Variants in LMTK2 observed in about 807,000 individuals in gnomAD.
LMTK2 encodes the protein lemur tail kinase 2, also known as serine/threonine-protein kinase LMTK2.
In LMTK2, 37 loss-of-function variants were observed where a neutral mutation model predicts 127.5. The ratio of observed to expected loss-of-function variants is 0.29; its 90% CI spans 0.22 to 0.38. The LOEUF is 0.38. Ranked by LOEUF, LMTK2 falls within the 10% of genes least tolerant of loss-of-function variation. LMTK2 has a pLI of 1.00. For missense variants in LMTK2, 1,694 were observed against 1,920.3 expected, an observed-to-expected ratio of 0.88 and a Z score of 2.20; for synonymous variants, 819 against 810.1, an observed-to-expected ratio of 1.01 and a Z score of -0.19.
intron 6 of LMTK2, among the ~76,000 whole-genome samples, chr7:98,159,776 C>T (rs1308716175): frequency 2.6e-5 from 4 of 152,126 alleles, no homozygotes. Flanking sequence ...TCTAGATGTG[C>T]CCTCCTAAGA....
chr7:98,150,232 C>T (rs915017192), intron 3 of LMTK2, among the ~76,000 whole-genome samples: 1 of 149,874 alleles, frequency 6.7e-6, no homozygotes, highest in African/African-American at 2.4e-5. Context: ...CACTTGAACC[C>T]GGGAGGCGTA....
chr7:98,119,001 A>G (rs7788997), intron 1 of LMTK2, among the ~76,000 whole-genome samples: 18,227 of 151,696 alleles, frequency 0.12, 1,675 homozygotes, highest in African/African-American at 0.25. Flanking sequence ...CTGAGGCAAG[A>G]TAATCGCTTG....
chr7:98,141,280 A>C, intron 2 of LMTK2, 117 bp from the exon 3 acceptor site: 1 of 924,382 alleles, frequency 1.1e-6, no homozygotes, highest in South Asian at 1.6e-5. Context: ...TTTACTTAAC[A>C]TTAAGTACAA....
chr7:98,137,097 A>G (rs1796605679), intron 1 of LMTK2, among the ~76,000 whole-genome samples: 1 of 152,238 alleles, frequency 6.6e-6, no homozygotes, highest in African/African-American at 2.4e-5. Flanking sequence ...TGAAGGCTGT[A>G]TATGAACTCT....
At chr7:98,195,578 TG>T (rs372947110) in intron 11 of LMTK2, among the ~76,000 whole-genome samples, 89 of 152,112 alleles carry the variant, frequency 5.9e-4, no homozygotes, top group East Asian at 3.9e-3. Flanking sequence ...GACATGAAAA[TG>T]GGGTCCCCTC....
chr7:98,119,091 C>A (rs1403578662), intron 1 of LMTK2, among the ~76,000 whole-genome samples: 21 of 89,368 alleles, frequency 2.3e-4, no homozygotes, highest in East Asian at 1.7e-3. Context: ...GAATCCATCT[C>A]AAAAAAAAAA....
intron 5 of LMTK2, among the ~76,000 whole-genome samples, chr7:98,158,727 T>G (rs1375581746): frequency 6.6e-6 from 1 of 152,234 alleles, no homozygotes; most frequent in African/African-American, 2.4e-5. Context: ...AGGTTATGTG[T>G]AGATAATGAC....
chr7:98,197,601 C>T (rs1318608968), intron 11 of LMTK2, among the ~76,000 whole-genome samples: 2 of 152,168 alleles, frequency 1.3e-5, no homozygotes, highest in African/African-American at 4.8e-5. Context: ...TCCCATAATC[C>T]TAACATTTTG....
Position 98,194,167 on chromosome 7 carries a change from ACT to A in LMTK2, c.3704_3705del (p.Leu1235ProfsTer70). ...CTTCCACGGGGACCAACACGAACGAACTCCTTGCCTACACCAATTCTGCGCTG... is the reference window on the plus strand; with the variant it reads ...CTTCCACGGGGACCAACACGAACGAACCTTGCCTACACCAATTCTGCGCTG... ...LASTGTNTNELLAYTNSALDK... is the reference protein window; with the variant it reads ...LASTGTNTNEXLAYTNSALDK... On this transcript the variant is annotated frameshift_variant, in exon 11 of 14. Transcript: ENST00000297293. LOFTEE classifies it high-confidence loss of function. This position sits in a 1 kb window ranked among gnomAD's most constrained non-coding sequence, Gnocchi z 5.4. 1 of 1,613,546 alleles carries A rather than the reference ACT, an allele frequency of 6.2e-7. No individual in the cohort carries two copies. The highest frequency in any genetic ancestry group is 8.5e-7 in the Non-Finnish European group (1 of 1,179,896).
intron 5 of LMTK2, among the ~76,000 whole-genome samples, 189 bp downstream of exon 5, chr7:98,155,065 C>T (rs1796908968): frequency 6.6e-6 from 1 of 152,120 alleles, no homozygotes; most frequent in African/African-American, 2.4e-5. Context: ...GAGAACTCAG[C>T]CTAAACCAGA....
In LMTK2 at chr7:98,159,319, T is replaced by C. The variant is rs1796978124; in HGVS notation, c.570-19T>C. The C allele has an allele frequency of 6.5e-7, 1 of 1,540,218 alleles. No individual in the cohort carries two copies. The highest frequency in any genetic ancestry group is 8.9e-7 in the Non-Finnish European group (1 of 1,123,682). On this transcript the variant is annotated intron_variant, in intron 5 of 13. Coordinates refer to ENST00000297293, the MANE Select transcript of LMTK2 (RefSeq NM_014916.4). ...TCATGCTTCCTGATGAACAATATTA[T>C]GGCTTTTATTTTTCCCAGCATTCTT... is the stretch of plus-strand genomic sequence containing the variant.
At chr7:98,151,690 A>T (rs1235377671) in intron 4 of LMTK2, among the ~76,000 whole-genome samples, 1 of 152,246 alleles carries the variant, frequency 6.6e-6, no homozygotes, top group African/African-American at 2.4e-5. Context: ...ACAAAATATC[A>T]TAAACTGGGT....
chr7:98,203,066 C>G (rs1442699522), intron 11 of LMTK2, among the ~76,000 whole-genome samples: 1 of 152,148 alleles, frequency 6.6e-6, no homozygotes, highest in Non-Finnish European at 1.5e-5. Context: ...CAGCTGTTGC[C>G]CCAGGATTGC....
intron 7 of LMTK2, among the ~76,000 whole-genome samples, chr7:98,177,732 CTG>C (rs1797297681): frequency 7.3e-6 from 1 of 136,142 alleles, no homozygotes. Flanking sequence ...TGGAAGAACT[CTG>C]TGTACCCAAA....
At position 98,205,881 on chromosome 7, in the gene LMTK2, G is replaced by A. The variant is rs1056808165; in HGVS notation, c.*389G>A. On this transcript the variant is annotated 3_prime_UTR_variant, in exon 14 of 14. Coordinates refer to ENST00000297293, the MANE Select transcript of LMTK2 (RefSeq NM_014916.4). ...TCCACGCCTGCACATCCCGGCGCAC[G>A]TGTGGGCACCACAGAGGACACGTGA... 1.2e-5 allele frequency: 3 copies of A among 242,804 alleles called. No homozygotes were observed. In the South Asian group the frequency reaches 2.4e-4, roughly 19 times the overall value. 15.0% of individuals were successfully genotyped at this position (242,804 alleles called of 1,614,324 possible).
chr7:98,140,142 CTTTTCTTTTCTTTTCTTTTCTTTTCT>C lies in LMTK2; in HGVS notation c.232-1251_232-1226del, dbSNP rs1310622445. Among the ~76,000 whole-genome samples the C allele has an allele frequency of 4.5e-3, 299 of 66,808 alleles. 27 individuals are homozygous for C. Among genetic ancestry groups the C allele is most frequent in the African/African-American group, 0.014 (142 of 10,330 alleles). 43.8% of individuals were successfully genotyped at this position (66,808 alleles called of 152,430 possible). A position where few individuals can be genotyped will look rare whatever the true frequency, so the allele number is the denominator to read the frequency against. On this transcript the variant is annotated intron_variant, in intron 2 of 13. Transcript: ENST00000297293. ...TCTTTCTTTCTTTCTTTCTTTCTTT[CTTTTCTTTTCTTTTCTTTTCTTTTCT>C]TTTCTTTCTTTTCTTTCTTCTTTCT...
chr7:98,194,646 T>C lies in LMTK2; in HGVS notation c.4107+74T>C. On this transcript the variant is annotated intron_variant, in intron 11 of 13. Transcript: ENST00000297293. The surrounding 1 kb of genome is among the most constrained non-coding windows in gnomAD (Gnocchi z 5.4). ...CCAAAATGTGCTAGGAAATTGAGTG[T>C]GGTCTGTTTTCTAGTTGCCATTTTG... The C allele has an allele frequency of 7.3e-7, 1 of 1,363,072 alleles. No homozygotes were observed. The highest frequency in any genetic ancestry group is 9.8e-7 in the Non-Finnish European group (1 of 1,016,844). 84.4% of individuals were successfully genotyped at this position (1,363,072 alleles called of 1,614,324 possible). A position where few individuals can be genotyped will look rare whatever the true frequency, so the allele number is the denominator to read the frequency against.
At chr7:98,165,489 T>C (rs58911561) in intron 6 of LMTK2, among the ~76,000 whole-genome samples, 33,238 of 152,090 alleles carry the variant, frequency 0.22, 3,816 homozygotes, top group South Asian at 0.38. Flanking sequence ...TATTCTATTG[T>C]TTTTAAAAAT....
chr7:98,143,087 A>T (rs1796722151), intron 3 of LMTK2, among the ~76,000 whole-genome samples: 1 of 152,230 alleles, frequency 6.6e-6, no homozygotes, highest in African/African-American at 2.4e-5. Context: ...CTGGGGATGG[A>T]TGGGAGCACA....
Sources: gnomAD v4.1 joint callset for allele counts (sites outside exome capture counted in the v4.1 genomes callset) on GRCh38, gnomAD v4.1.1 for gene constraint, Gnocchi (gnomAD v3.1) non-coding constraint, MANE v1.5 for transcripts, NCBI Gene and HGNC (gene_info 2026-07-23, HGNC 2026-07-21) for gene names.